Variants in CTNND2 observed in about 807,000 individuals in gnomAD.
The protein encoded by CTNND2 is catenin delta-2.
Under a neutral mutation model 144.4 loss-of-function variants are expected in CTNND2, and 22 were observed. That is an observed-to-expected ratio of 0.15 (90% CI 0.11 to 0.22). The LOEUF (loss-of-function observed/expected upper bound fraction) is 0.22. Among genes scored for constraint, CTNND2 ranks in the 10% least tolerant of loss-of-function variants. The probability of loss-of-function intolerance (pLI) is 1.00; values close to 1 mark genes in which losing one functional copy is unlikely to be tolerated. For synonymous variants in CTNND2, 751 were observed against 695.6 expected (o/e 1.08, Z -1.25); for missense variants, 1,353 against 1,618.8 (o/e 0.84, Z 2.82).
intron 3 of CTNND2, among the ~76,000 whole-genome samples, chr5:11,455,832 T>C (rs1765689541): frequency 6.6e-6 from 1 of 152,206 alleles, no homozygotes; most frequent in Non-Finnish European, 1.5e-5. Flanking sequence ...AATAAGAGCA[T>C]TTTGTTTTCC....
intron 5 of CTNND2, among the ~76,000 whole-genome samples, chr5:11,397,880 TG>T (rs1760286533): frequency 1.3e-5 from 2 of 152,222 alleles, no homozygotes; most frequent in South Asian, 4.1e-4. Flanking sequence ...AATCAGTTTC[TG>T]GTCTTACTTA....
At chr5:11,373,721 T>A (rs1757665528) in intron 7 of CTNND2, among the ~76,000 whole-genome samples, 1 of 152,168 alleles carries the variant, frequency 6.6e-6, no homozygotes, top group Admixed American at 6.5e-5. Flanking sequence ...AGATGTAGGA[T>A]CTTGAGGAGC....
chr5:11,309,740 G>A (rs1309683911), intron 9 of CTNND2, among the ~76,000 whole-genome samples: 1 of 152,180 alleles, frequency 6.6e-6, no homozygotes, highest in African/African-American at 2.4e-5. Context: ...GAATGATATC[G>A]TTTGGATTTG....
rs1024361101 is a variant in CTNND2, at chr5:11,808,890, A to T, written c.38-76618T>A. 3.3e-5 allele frequency among the ~76,000 whole-genome samples: 5 copies of T among 152,228 alleles called. No individual in the cohort carries two copies. The East Asian group carries it at 9.6e-4, about 29-fold the overall frequency. ...TGGAAATGAAAATATTGACAACTGC[A>T]GACAAAACATCCACGATACTAAGAA... On this transcript the variant is annotated intron_variant, in intron 1 of 21. Transcript: ENST00000304623.
At chr5:11,038,284 G>C (rs369033880) in intron 16 of CTNND2, among the ~76,000 whole-genome samples, 1 of 152,130 alleles carries the variant, frequency 6.6e-6, no homozygotes, top group Non-Finnish European at 1.5e-5. Flanking sequence ...GCAGGTGAGC[G>C]AGAATTACAG....
At chr5:11,098,481 T>G in intron 15 of CTNND2, 94 bp downstream of exon 15, 2 of 1,103,138 alleles carry the variant, frequency 1.8e-6, no homozygotes, top group South Asian at 1.7e-5. Context: ...GAAATCTTTA[T>G]TAGAGTTGCA....
chr5:11,863,317 G>A (rs1795590503), intron 1 of CTNND2, among the ~76,000 whole-genome samples: 1 of 152,126 alleles, frequency 6.6e-6, no homozygotes, highest in Admixed American at 6.5e-5. Flanking sequence ...CTCAGGACTT[G>A]AGGGCTGTAG....
chr5:11,242,266 A>G (rs1742531084), intron 9 of CTNND2, among the ~76,000 whole-genome samples: 1 of 152,184 alleles, frequency 6.6e-6, no homozygotes, highest in African/African-American at 2.4e-5. Context: ...TCTAAACCTT[A>G]ACGAACATTG....
intron 16 of CTNND2, among the ~76,000 whole-genome samples, chr5:11,047,810 C>T (rs1745426705): frequency 6.6e-6 from 1 of 152,180 alleles, no homozygotes; most frequent in Non-Finnish European, 1.5e-5. Flanking sequence ...AGGACCCCTG[C>T]AGGGCTGGGG....
chr5:11,061,917 C>A (rs978340592), intron 16 of CTNND2, among the ~76,000 whole-genome samples: 1 of 152,154 alleles, frequency 6.6e-6, no homozygotes, highest in African/African-American at 2.4e-5. Context: ...CCATGTTGGG[C>A]AGGCTGCTCT....
chr5:11,492,583 T>C (rs1171937240), intron 3 of CTNND2, among the ~76,000 whole-genome samples: 1 of 151,212 alleles, frequency 6.6e-6, no homozygotes, highest in Non-Finnish European at 1.5e-5. Flanking sequence ...CATTATTCCA[T>C]GAAAAAGAAA....
chr5:11,280,232 G>A (rs1746978410), intron 9 of CTNND2, among the ~76,000 whole-genome samples: 1 of 152,098 alleles, frequency 6.6e-6, no homozygotes, highest in Admixed American at 6.6e-5. Context: ...CAGAGACACA[G>A]GACAGAAAGT....
intron 9 of CTNND2, among the ~76,000 whole-genome samples, chr5:11,312,837 A>G (rs1425247170): frequency 6.6e-6 from 1 of 152,230 alleles, no homozygotes; most frequent in Non-Finnish European, 1.5e-5. Context: ...ACATATCTGT[A>G]TATTTTCTAA....
At chr5:11,275,543 T>C (rs1053905253) in intron 9 of CTNND2, among the ~76,000 whole-genome samples, 3 of 152,228 alleles carry the variant, frequency 2.0e-5, no homozygotes, top group Non-Finnish European at 2.9e-5. Context: ...AGGGGTAAGA[T>C]CCTATCCACC....
chr5:11,347,222 G>C (rs182918720), intron 8 of CTNND2, among the ~76,000 whole-genome samples: 1 of 152,110 alleles, frequency 6.6e-6, no homozygotes, highest in African/African-American at 2.4e-5. Context: ...AGTAACTCCC[G>C]AAAGATTTTT....
intron 3 of CTNND2, among the ~76,000 whole-genome samples, chr5:11,463,655 C>A (rs1172167527): frequency 6.6e-6 from 1 of 151,730 alleles, no homozygotes; most frequent in Non-Finnish European, 1.5e-5. Flanking sequence ...TATACAGATA[C>A]CTGAGAGAGC....
chr5:11,418,319 T>A (rs1191795195), intron 3 of CTNND2, among the ~76,000 whole-genome samples: 1 of 152,090 alleles, frequency 6.6e-6, no homozygotes, highest in East Asian at 1.9e-4. Flanking sequence ...GGCAGGAGAA[T>A]TGCTTGAATC....
In CTNND2 at chr5:10,973,848, C is replaced by A; in HGVS notation, c.3418-135G>T. The stretch of plus-strand genomic sequence containing the variant: ...CATTCACCACTGTGGCCCTGCTTCT[C>A]CAAAACTGCCAACTGTCATTGGCTT... On this transcript the variant is annotated intron_variant, in intron 21 of 21. Coordinates refer to ENST00000304623, the MANE Select transcript of CTNND2 (RefSeq NM_001332.4). This position sits in a 1 kb window ranked among gnomAD's most constrained non-coding sequence, Gnocchi z 5.6. 2.1e-6 allele frequency: 2 copies of A among 935,190 alleles called. No homozygotes were observed. The highest frequency in any genetic ancestry group is 2.1e-5 in the South Asian group (1 of 47,430). The allele number at this position is 935,190 out of a possible 1,614,324, so 57.9% of individuals were successfully genotyped here. A position where few individuals can be genotyped will look rare whatever the true frequency, so the allele number is the denominator to read the frequency against.
intron 3 of CTNND2, among the ~76,000 whole-genome samples, chr5:11,540,560 G>A (rs750158513): frequency 6.6e-5 from 10 of 152,104 alleles, no homozygotes; most frequent in Non-Finnish European, 1.3e-4. Flanking sequence ...TCTGTCGTCC[G>A]GGCTGGAGTG....
Sources: allele counts gnomAD v4.1 joint callset (sites outside exome capture counted in the v4.1 genomes callset), GRCh38; gene constraint gnomAD v4.1.1; non-coding constraint Gnocchi (gnomAD v3.1); transcripts MANE v1.5; gene names NCBI Gene and HGNC (gene_info 2026-07-23, HGNC 2026-07-21).